SDK1: variants seen among roughly 807,000 people sequenced by gnomAD.
SDK1 encodes protein sidekick-1.
Under a neutral mutation model 245.5 loss-of-function variants are expected in SDK1, and 157 were observed. The observed-to-expected ratio is 0.64, with a 90% CI of 0.56 to 0.73. SDK1 has a LOEUF of 0.73. Among genes scored for constraint, SDK1 ranks in the 30% least tolerant of loss-of-function variants. SDK1 has a pLI of 0.00. For missense variants in SDK1, 3,583 were observed against 3,002.3 expected (o/e 1.19, Z -4.52); for synonymous variants, 1,647 against 1,278.5 (o/e 1.29, Z -6.15).
chr7:4,249,598 T>A (rs947609300), intron 44 of SDK1, among the ~76,000 whole-genome samples: 1 of 152,124 alleles, frequency 6.6e-6, no homozygotes, highest in Non-Finnish European at 1.5e-5. Flanking sequence ...CCAGCTAGCA[T>A]CCCATAGAGT....
intron 1 of SDK1, among the ~76,000 whole-genome samples, chr7:3,321,841 CTCT>C (rs1779822759): frequency 2.2e-5 from 3 of 139,426 alleles, no homozygotes; most frequent in African/African-American, 8.4e-5. Context: ...CCTTTTCTCT[CTCT>C]CTCTCTCTCT....
chr7:3,841,898 G>A (rs1780167978), intron 5 of SDK1, among the ~76,000 whole-genome samples: 1 of 152,168 alleles, frequency 6.6e-6, no homozygotes, highest in Non-Finnish European at 1.5e-5. Context: ...ATGGCCAGAT[G>A]CAAGACCGAC....
At chr7:3,872,506 A>T (rs1399322689) in intron 5 of SDK1, among the ~76,000 whole-genome samples, 1 of 140,610 alleles carries the variant, frequency 7.1e-6, no homozygotes, top group Non-Finnish European at 1.5e-5. Context: ...GAGTTTTTGT[A>T]GCCTTTTTTC....
chr7:3,385,329 T>C lies in SDK1; in HGVS notation c.298+83445T>C, dbSNP rs1234597143. ...TATCCTGATACAGGTGAAAGCTTTATTAAAAAACAAATGTAACTTAACATT... is the reference window on the plus strand; with the variant it reads ...TATCCTGATACAGGTGAAAGCTTTACTAAAAAACAAATGTAACTTAACATT... On this transcript the variant is annotated intron_variant, in intron 1 of 44. Coordinates refer to ENST00000404826, the MANE Select transcript of SDK1 (RefSeq NM_152744.4). 3.3e-5 allele frequency among the ~76,000 whole-genome samples: 5 copies of C among 152,176 alleles called. No individual in the cohort carries two copies. In the East Asian group the frequency reaches 7.7e-4, roughly 23 times the overall value.
chr7:3,712,495 A>G (rs555017782), intron 4 of SDK1, among the ~76,000 whole-genome samples: 106 of 152,324 alleles, frequency 7.0e-4, no homozygotes, highest in African/African-American at 1.9e-3. Context: ...AATAAATGTA[A>G]TGCACTTGAA....
chr7:3,386,990 A>G (rs1354405967), intron 1 of SDK1, among the ~76,000 whole-genome samples: 1 of 152,196 alleles, frequency 6.6e-6, no homozygotes, highest in East Asian at 1.9e-4. Context: ...GAGCTATGGC[A>G]CATTCATCTT....
At chr7:3,727,878 A>C (rs143276688) in intron 4 of SDK1, among the ~76,000 whole-genome samples, 1 of 152,122 alleles carries the variant, frequency 6.6e-6, no homozygotes, top group African/African-American at 2.4e-5. Context: ...TTTTTGCTCA[A>C]TGCCTCCTTT....
chr7:3,720,311 T>C (rs1785330669), intron 4 of SDK1, among the ~76,000 whole-genome samples: 4 of 151,730 alleles, frequency 2.6e-5, no homozygotes, highest in Admixed American at 2.6e-4. Flanking sequence ...GGAAAAAAAA[T>C]TTGTAAACCA....
chr7:4,049,385 C>G lies in SDK1; in HGVS notation c.2640C>G (p.Ala880=). Residue 880 remains alanine (A), a synonymous_variant, in exon 18 of 45, where the codon GCC becomes GCG. Transcript: ENST00000404826. ...CCCCGCAGAACGTGCAGACGGAAGC[C>G]GTGAACTCCACCACCATTCAGTTCC... ...TAPPQNVQTE[A]VNSTTIQFLW... The G allele has an allele frequency of 6.2e-7, 1 of 1,614,144 alleles. No individual in the cohort carries two copies. The highest frequency in any genetic ancestry group is 1.1e-5 in the South Asian group (1 of 91,082).
intron 1 of SDK1, among the ~76,000 whole-genome samples, chr7:3,611,446 C>G (rs1315501169): frequency 1.3e-5 from 2 of 152,176 alleles, no homozygotes; most frequent in African/African-American, 2.4e-5. Flanking sequence ...AAAAGGGCAG[C>G]CTGAACTGCC....
intron 1 of SDK1, among the ~76,000 whole-genome samples, chr7:3,517,057 T>C (rs139744367): frequency 1.2e-3 from 186 of 152,314 alleles, no homozygotes; most frequent in South Asian, 3.7e-3. Flanking sequence ...TTTTTCTCTG[T>C]AGTCTGTATT....
intron 1 of SDK1, among the ~76,000 whole-genome samples, chr7:3,403,994 C>G (rs978862453): frequency 2.0e-5 from 3 of 150,080 alleles, no homozygotes; most frequent in Non-Finnish European, 4.4e-5. Flanking sequence ...TTGTGGTTTC[C>G]CAGTGCATAT....
At chr7:3,617,002 A>T (rs1316234027) in intron 1 of SDK1, among the ~76,000 whole-genome samples, 2 of 152,216 alleles carry the variant, frequency 1.3e-5, no homozygotes, top group African/African-American at 4.8e-5. Context: ...GATTATCTGG[A>T]TTTAAATCAT....
intron 5 of SDK1, among the ~76,000 whole-genome samples, chr7:3,829,679 C>G (rs1779866888): frequency 6.6e-6 from 1 of 152,176 alleles, no homozygotes; most frequent in Non-Finnish European, 1.5e-5. Context: ...GAAGGCAAAA[C>G]TTGGGAGGAG....
At chr7:3,353,709 G>A (rs376009172) in intron 1 of SDK1, among the ~76,000 whole-genome samples, 3 of 152,242 alleles carry the variant, frequency 2.0e-5, no homozygotes, top group Non-Finnish European at 2.9e-5. Flanking sequence ...TTGATGACTC[G>A]ATTAACATAC....
intron 4 of SDK1, among the ~76,000 whole-genome samples, chr7:3,812,119 CA>C (rs1486066126): frequency 6.6e-6 from 1 of 152,220 alleles, no homozygotes; most frequent in Non-Finnish European, 1.5e-5. Context: ...CTTCCCTGGA[CA>C]GTGTTAACAC....
rs554725244 is a variant in SDK1 at position 3,723,193 on chromosome 7, T to C, written c.713+81088T>C. ...ACTCAAAATTGAGCTTTGTCCCTGT[T>C]GAATAGTAAATTAAGAGTTCAAAAT... On this transcript the variant is annotated intron_variant, in intron 4 of 44. Coordinates refer to ENST00000404826, the MANE Select transcript of SDK1 (RefSeq NM_152744.4). 4.6e-5 allele frequency among the ~76,000 whole-genome samples: 7 copies of C among 152,314 alleles called. 1 individual carries two copies. The highest frequency in any genetic ancestry group is 1.7e-4 in the African/African-American group (7 of 41,566).
At chr7:3,433,848 C>T (rs566349326) in intron 1 of SDK1, among the ~76,000 whole-genome samples, 36 of 152,106 alleles carry the variant, frequency 2.4e-4, no homozygotes, top group Non-Finnish European at 4.0e-4. Flanking sequence ...ACATACAAGC[C>T]GTGGTTGACT....
At chr7:4,045,815 T>C (rs986968543) in intron 17 of SDK1, among the ~76,000 whole-genome samples, 1 of 152,192 alleles carries the variant, frequency 6.6e-6, no homozygotes, top group African/African-American at 2.4e-5. Flanking sequence ...GTAAATGGGA[T>C]GGTGAGGTTC....
Sources: gnomAD v4.1 joint callset for allele counts (sites outside exome capture counted in the v4.1 genomes callset) on GRCh38, gnomAD v4.1.1 for gene constraint, MANE v1.5 for transcripts, NCBI Gene and HGNC (gene_info 2026-07-23, HGNC 2026-07-21) for gene names.